Variants in GATAD1 observed in about 807,000 individuals in gnomAD.
The protein encoded by GATAD1 is GATA zinc finger domain containing 1, also known as GATA zinc finger domain-containing protein 1.
GATAD1 carries 12 observed loss-of-function variants against 26.5 expected under a neutral mutation model. That is an observed-to-expected ratio of 0.45 (90% CI 0.29 to 0.73). The LOEUF (loss-of-function observed/expected upper bound fraction) is 0.73, where lower values mean the gene tolerates loss of function less well. Ranked by LOEUF, GATAD1 falls within the 30% of genes least tolerant of loss-of-function variation. GATAD1 has a pLI of 0.10. For synonymous variants in GATAD1, 129 were observed against 133.1 expected, an observed-to-expected ratio of 0.97 and a Z score of 0.21; for missense variants, 266 against 342.1, an observed-to-expected ratio of 0.78 and a Z score of 1.75.
At chr7:92,490,160 T>C in the GATAD1 span, 39 of 514,722 alleles carry the variant, frequency 7.6e-5, no homozygotes, top group African/African-American at 7.3e-4. Flanking sequence ...TTTTTAACTT[T>C]GTTGCTTAAA....
chr7:92,476,235 G>A, the GATAD1 span, among the ~76,000 whole-genome samples: 1 of 152,210 alleles, frequency 6.6e-6, no homozygotes, highest in Non-Finnish European at 1.5e-5. Flanking sequence ...GAGTTAGTAA[G>A]CTACCTTTTT....
At chr7:92,493,239 CTT>C in the GATAD1 span, 1 of 641,086 alleles carries the variant, frequency 1.6e-6, no homozygotes, top group Non-Finnish European at 2.6e-6. Flanking sequence ...ATCTAAAAAG[CTT>C]TATAAGTAAG....
At chr7:92,465,120 A>G in the GATAD1 span, 1 of 152,236 alleles carries the variant, frequency 6.6e-6, no homozygotes, top group Non-Finnish European at 1.5e-5. Flanking sequence ...AATGAGGCCT[A>G]AAGAAGTTAA....
chr7:92,470,231 A>G, the GATAD1 span: 1 of 778,668 alleles, frequency 1.3e-6, no homozygotes, highest in Non-Finnish European at 2.4e-6. Context: ...CTCCTATACG[A>G]TGGGGCATCA....
At chr7:92,484,528 T>TC in the GATAD1 span, among the ~76,000 whole-genome samples, 1 of 152,152 alleles carries the variant, frequency 6.6e-6, no homozygotes, top group Non-Finnish European at 1.5e-5. Context: ...TCTTCCCAAG[T>TC]CCGTGACTGG....
chr7:92,448,029 G>A (rs966183101), intron 1 of GATAD1, 51 bp downstream of exon 1: 23 of 1,181,262 alleles, frequency 1.9e-5, no homozygotes, highest in Non-Finnish European at 2.2e-5. Flanking sequence ...GGTGCTAGGC[G>A]GGCGGGGACG....
the GATAD1 span, chr7:92,477,273 G>A: frequency 3.3e-5 from 5 of 152,328 alleles, no homozygotes; most frequent in African/African-American, 1.2e-4. Flanking sequence ...CTTAAGTCCG[G>A]TGGCCACACT....
the GATAD1 span, among the ~76,000 whole-genome samples, chr7:92,475,539 C>T: frequency 1.3e-5 from 2 of 152,108 alleles, no homozygotes; most frequent in Admixed American, 6.5e-5. Flanking sequence ...TGGTCCTTTA[C>T]CAGCGTGCCC....
intron 1 of GATAD1, among the ~76,000 whole-genome samples, chr7:92,448,370 C>T (rs1789262616): frequency 6.6e-6 from 1 of 152,148 alleles, no homozygotes; most frequent in Admixed American, 6.5e-5. Flanking sequence ...GCAGGGGGCG[C>T]CATAACCTAC....
At chr7:92,494,476 A>G in the GATAD1 span, 2 of 1,613,288 alleles carry the variant, frequency 1.2e-6, no homozygotes, top group Non-Finnish European at 1.7e-6. Flanking sequence ...TTCTGTATTT[A>G]TAATTATTAC....
intron 4 of GATAD1, among the ~76,000 whole-genome samples, chr7:92,455,921 G>A (rs537617762): frequency 6.6e-6 from 1 of 152,234 alleles, no homozygotes; most frequent in Non-Finnish European, 1.5e-5. Context: ...GTCCTACAGC[G>A]AGGCAGCATG....
At chr7:92,495,032 TTAA>T in the GATAD1 span, among the ~76,000 whole-genome samples, 1 of 152,028 alleles carries the variant, frequency 6.6e-6, no homozygotes, top group African/African-American at 2.4e-5. Flanking sequence ...CATTTTTATA[TTAA>T]TATATACTTA....
At chr7:92,492,094 T>G in the GATAD1 span, among the ~76,000 whole-genome samples, 2 of 152,178 alleles carry the variant, frequency 1.3e-5, no homozygotes, top group South Asian at 4.1e-4. Context: ...ATACTGTCTT[T>G]AGAGAAAAGG....
In GATAD1 at chr7:92,456,944, A is replaced by G. The variant is rs1789701256; in HGVS notation, c.*382A>G. The G allele has an allele frequency of 6.2e-6, 1 of 160,360 alleles. No individual in the cohort carries two copies. Among genetic ancestry groups the G allele is most frequent in the African/African-American group, 2.4e-5 (1 of 41,740 alleles). The allele number at this position is 160,360 out of a possible 1,614,324, so 9.9% of individuals were successfully genotyped here. ...CTGAGGTCGGGAAGTGGATCGCCTG[A>G]GGTCAGGAGTTCGAGACCAGCCTGG... On this transcript the variant is annotated 3_prime_UTR_variant, in exon 5 of 5. Coordinates refer to ENST00000287957, the MANE Select transcript of GATAD1 (RefSeq NM_021167.5).
chr7:92,447,869 G>C lies in GATAD1; in HGVS notation c.140G>C (p.Gly47Ala), dbSNP rs1461925630. 3 of 1,359,744 alleles carry C rather than the reference G, an allele frequency of 2.2e-6. No individual in the cohort carries two copies. The East Asian group carries it at 9.4e-5, about 42-fold the overall frequency. The allele number at this position is 1,359,744 out of a possible 1,614,324, so 84.2% of individuals were successfully genotyped here. Residue 47 changes from glycine to alanine, a missense_variant, in exon 1 of 5, where the codon GGG becomes GCG. Transcript: ENST00000287957. ...GCGGGCAGCGGGGGCGCAGGCTCGG[G>C]GGCGGCTGGAGGGACTGGGGGCAGC... The part of the protein sequence containing the change: ...GGAGSGGAGS[G>A]AAGGTGGSGG...
chr7:92,478,883 A>G, the GATAD1 span, among the ~76,000 whole-genome samples: 3 of 152,048 alleles, frequency 2.0e-5, no homozygotes, highest in South Asian at 6.2e-4. Flanking sequence ...CCCTCCAGAT[A>G]ATTCATGTGT....
chr7:92,448,713 TTC>T, intron 1 of GATAD1, 37 bp from the exon 2 acceptor site: 1 of 1,568,080 alleles, frequency 6.4e-7, no homozygotes, highest in Non-Finnish European at 8.8e-7. Flanking sequence ...CACTTTTTAC[TTC>T]TTTCTCTTTT....
At chr7:92,462,210 G>A (rs1789944050), downstream of GATAD1, among the ~76,000 whole-genome samples, 1 of 152,036 alleles carries the variant, frequency 6.6e-6, no homozygotes, top group African/African-American at 2.4e-5. Flanking sequence ...ACAATCTAAA[G>A]GTCCAACAAT....
rs1191345573 is a variant in GATAD1 at position 92,448,083 on chromosome 7, G to C, written c.249+105G>C. On this transcript the variant is annotated intron_variant, in intron 1 of 4. Coordinates refer to ENST00000287957, the MANE Select transcript of GATAD1 (RefSeq NM_021167.5). ...GGGCGCGGGCTTCCCCGATCGCCGTGCTCCTGCTGGCTGGAACGCCCCTCC... is the reference window on the plus strand; with the variant it reads ...GGGCGCGGGCTTCCCCGATCGCCGTCCTCCTGCTGGCTGGAACGCCCCTCC... The C allele has an allele frequency of 9.6e-6, 8 of 834,032 alleles. No homozygotes were observed. In the East Asian group the frequency reaches 3.2e-4, roughly 33 times the overall value. 51.7% of individuals were successfully genotyped at this position (834,032 alleles called of 1,614,324 possible). A position where few individuals can be genotyped will look rare whatever the true frequency, so the allele number is the denominator to read the frequency against.
Sources: allele counts gnomAD v4.1 joint callset (sites outside exome capture counted in the v4.1 genomes callset), GRCh38; gene constraint gnomAD v4.1.1; transcripts MANE v1.5; gene names NCBI Gene and HGNC (gene_info 2026-07-23, HGNC 2026-07-21).